The following NEGR1 variants were observed in gnomAD, a reference collection of about 807,000 sequenced individuals.
NEGR1 encodes neuronal growth regulator 1.
Under a neutral mutation model 40.9 loss-of-function variants are expected in NEGR1, and 10 were observed. The ratio of observed to expected loss-of-function variants is 0.24; its 90% CI spans 0.15 to 0.42. The LOEUF (loss-of-function observed/expected upper bound fraction) is 0.42. NEGR1 is among the 10% of genes least tolerant of loss of function. The probability of loss-of-function intolerance (pLI) is 1.00; values close to 1 mark genes in which losing one functional copy is unlikely to be tolerated. For synonymous variants in NEGR1, 185 were observed against 166.8 expected, an observed-to-expected ratio of 1.11 and a Z score of -0.84; for missense variants, 352 against 438.9, an observed-to-expected ratio of 0.80 and a Z score of 1.77.
chr1:71,585,504 T>A (rs1649273178), intron 6 of NEGR1, among the ~76,000 whole-genome samples: 1 of 152,054 alleles, frequency 6.6e-6, no homozygotes, highest in African/African-American at 2.4e-5. Context: ...GCAAGCCATA[T>A]TTCAAGGCTG....
At chr1:71,520,784 GC>G (rs1462183972) in intron 6 of NEGR1, among the ~76,000 whole-genome samples, 3 of 152,002 alleles carry the variant, frequency 2.0e-5, no homozygotes, top group African/African-American at 7.2e-5. Flanking sequence ...CATGGCTGGG[GC>G]AGGGAAAGAC....
chr1:72,234,451 G>T (rs1233329922), intron 1 of NEGR1, among the ~76,000 whole-genome samples: 1 of 152,006 alleles, frequency 6.6e-6, no homozygotes. Flanking sequence ...AAACCAAGGA[G>T]CTTCTTTACA....
chr1:71,475,706 G>T (rs1001694034), intron 6 of NEGR1, among the ~76,000 whole-genome samples: 1 of 151,888 alleles, frequency 6.6e-6, no homozygotes, highest in African/African-American at 2.4e-5. Flanking sequence ...TAAGAAGGTC[G>T]TTAGGAAAAA....
chr1:71,599,226 T>C (rs1329145020), intron 5 of NEGR1, among the ~76,000 whole-genome samples: 2 of 152,220 alleles, frequency 1.3e-5, no homozygotes, highest in African/African-American at 4.8e-5. Flanking sequence ...TATTGTTCAA[T>C]GATAGAGTCT....
intron 1 of NEGR1, among the ~76,000 whole-genome samples, chr1:71,938,079 T>G (rs17517330): frequency 0.04 from 6,127 of 152,168 alleles, 184 homozygotes; most frequent in Middle Eastern, 0.086. Flanking sequence ...TAGCCAGTGT[T>G]CCCAACTCAA....
intron 2 of NEGR1, among the ~76,000 whole-genome samples, chr1:71,785,134 G>C (rs992031048): frequency 3.3e-5 from 5 of 152,126 alleles, no homozygotes; most frequent in Non-Finnish European, 7.4e-5. Flanking sequence ...ATAATTCAAA[G>C]ATATAAAACA....
At chr1:71,702,671 A>G (rs945315394) in intron 3 of NEGR1, among the ~76,000 whole-genome samples, 24 of 151,782 alleles carry the variant, frequency 1.6e-4, no homozygotes, top group African/African-American at 5.6e-4. Context: ...ATTTAGGAAC[A>G]ATGGCCAGAC....
chr1:71,441,015 C>A (rs1646543484), intron 6 of NEGR1, among the ~76,000 whole-genome samples: 1 of 152,162 alleles, frequency 6.6e-6, no homozygotes, highest in African/African-American at 2.4e-5. Flanking sequence ...GGTGCTCACA[C>A]TGTGCAGAAA....
rs57794150 is a variant in NEGR1 at position 71,887,992 on chromosome 1, GACACACACACACACACACAC to G, written c.409+47067_409+47086del. ...CCAGTGGAGCTCAAACTTTTGAAAG[GACACACACACACACACACAC>G]ACACACACACACACACACACACACC... On this transcript the variant is annotated intron_variant, in intron 2 of 6. Coordinates refer to ENST00000357731, the MANE Select transcript of NEGR1 (RefSeq NM_173808.3). Among the ~76,000 whole-genome samples the G allele has an allele frequency of 3.7e-4, 51 of 138,274 alleles. No individual in the cohort carries two copies. The East Asian group carries it at 9.9e-3, about 27-fold the overall frequency. The allele number at this position is 138,274 out of a possible 152,430, so 90.7% of individuals were successfully genotyped here. A position where few individuals can be genotyped will look rare whatever the true frequency, so the allele number is the denominator to read the frequency against.
At chr1:72,022,557 A>C (rs1646770637) in intron 1 of NEGR1, among the ~76,000 whole-genome samples, 1 of 150,466 alleles carries the variant, frequency 6.6e-6, no homozygotes, top group Admixed American at 6.6e-5. Flanking sequence ...ACACACATAT[A>C]TATATAATAC....
At chr1:72,148,718 G>A (rs1651006604) in intron 1 of NEGR1, among the ~76,000 whole-genome samples, 1 of 152,078 alleles carries the variant, frequency 6.6e-6, no homozygotes, top group Admixed American at 6.6e-5. Context: ...AATCTCTAAG[G>A]CAGGGGCAAA....
chr1:71,918,870 G>A (rs1459822971), intron 2 of NEGR1, among the ~76,000 whole-genome samples: 1 of 152,126 alleles, frequency 6.6e-6, no homozygotes, highest in Admixed American at 6.5e-5. Context: ...AGAAGGTCAA[G>A]TTTATCGATT....
At chr1:71,740,623 G>A (rs1472433991) in intron 3 of NEGR1, among the ~76,000 whole-genome samples, 1 of 152,016 alleles carries the variant, frequency 6.6e-6, no homozygotes, top group Non-Finnish European at 1.5e-5. Flanking sequence ...CAGCTATAAT[G>A]TAATTTTCAA....
intron 1 of NEGR1, among the ~76,000 whole-genome samples, chr1:72,222,536 G>A (rs1336700593): frequency 6.6e-6 from 1 of 152,076 alleles, no homozygotes; most frequent in Non-Finnish European, 1.5e-5. Flanking sequence ...AAAGACATGG[G>A]GATGTATAAA....
At chr1:71,970,423 G>T (rs774152771) in intron 1 of NEGR1, among the ~76,000 whole-genome samples, 1 of 152,138 alleles carries the variant, frequency 6.6e-6, no homozygotes, top group Non-Finnish European at 1.5e-5. Flanking sequence ...GGGACTAGGG[G>T]CTCACACCTG....
intron 1 of NEGR1, among the ~76,000 whole-genome samples, chr1:72,106,956 A>C (rs1351832245): frequency 1.3e-5 from 2 of 151,898 alleles, no homozygotes; most frequent in Non-Finnish European, 2.9e-5. Context: ...TACAAATCCA[A>C]GAAAATTTAG....
At chr1:71,997,188 C>T (rs546617646) in intron 1 of NEGR1, among the ~76,000 whole-genome samples, 1 of 152,030 alleles carries the variant, frequency 6.6e-6, no homozygotes, top group Non-Finnish European at 1.5e-5. Context: ...TCGAAGTTCT[C>T]ATTTTACCCA....
rs1404414837 is a variant in NEGR1, at chr1:71,560,128, C to A, written c.940+32689G>T. ...GATGATGATAACTATATATGAAAGT[C>A]ATCGTTTATGAGAACTTTTTTGTTC... On this transcript the variant is annotated intron_variant, in intron 6 of 6. Transcript: ENST00000357731. Among the ~76,000 whole-genome samples, 5 of 151,204 alleles carry A rather than the reference C, an allele frequency of 3.3e-5. No homozygotes were observed. The Admixed American group carries it at 3.3e-4, about 10-fold the overall frequency.
chr1:71,858,074 T>C (rs1659836930), intron 2 of NEGR1, among the ~76,000 whole-genome samples: 1 of 152,020 alleles, frequency 6.6e-6, no homozygotes, highest in African/African-American at 2.4e-5. Flanking sequence ...TCCATTTTCC[T>C]AAACATATTT....
Sources: allele counts gnomAD v4.1 joint callset (sites outside exome capture counted in the v4.1 genomes callset), GRCh38; gene constraint gnomAD v4.1.1; transcripts MANE v1.5; gene names NCBI Gene and HGNC (gene_info 2026-07-23, HGNC 2026-07-21).